Variants in CDH8 observed in about 807,000 individuals in gnomAD.
CDH8 encodes cadherin-8.
A neutral mutation model predicts 68.1 loss-of-function variants in CDH8; 17 were observed. The observed-to-expected ratio is 0.25, with a 90% CI of 0.17 to 0.37. The LOEUF (loss-of-function observed/expected upper bound fraction) is 0.37. CDH8 is among the 10% of genes least tolerant of loss of function. The pLI is 1.00. For missense variants in CDH8, 763 were observed against 999.3 expected (o/e 0.76, Z 3.19); for synonymous variants, 372 against 365.1 (o/e 1.02, Z -0.21).
intron 2 of CDH8, among the ~76,000 whole-genome samples, chr16:61,965,433 A>C (rs1965230502): frequency 6.6e-6 from 1 of 152,178 alleles, no homozygotes; most frequent in Non-Finnish European, 1.5e-5. Context: ...CAGTTATTTC[A>C]CACATGTTTA....
chr16:61,904,220 C>T (rs1016628447), intron 2 of CDH8, among the ~76,000 whole-genome samples: 1 of 152,180 alleles, frequency 6.6e-6, no homozygotes, highest in East Asian at 1.9e-4. Flanking sequence ...CAGAGAGCAA[C>T]GTCACCTGAG....
At chr16:61,872,236 C>G (rs2143058822) in intron 3 of CDH8, among the ~76,000 whole-genome samples, 1 of 152,284 alleles carries the variant, frequency 6.6e-6, no homozygotes, top group East Asian at 1.9e-4. Context: ...AGACAGGTCA[C>G]AATCAATTTA....
At chr16:61,688,576 A>C (rs1347141073) in intron 10 of CDH8, among the ~76,000 whole-genome samples, 3 of 151,870 alleles carry the variant, frequency 2.0e-5, no homozygotes, top group Non-Finnish European at 4.4e-5. Flanking sequence ...TGAGCTCTGA[A>C]GGTGTTAGTA....
chr16:61,888,080 CA>C (rs1404544617), intron 3 of CDH8, among the ~76,000 whole-genome samples: 2 of 152,168 alleles, frequency 1.3e-5, no homozygotes, highest in Non-Finnish European at 2.9e-5. Flanking sequence ...AGACATCAGG[CA>C]CTGGGCTCTT....
intron 4 of CDH8, among the ~76,000 whole-genome samples, chr16:61,836,866 G>A (rs778549791): frequency 4.6e-5 from 7 of 152,068 alleles, no homozygotes; most frequent in South Asian, 2.1e-4. Context: ...AGTACTGAGC[G>A]GAGTTACATG....
intron 2 of CDH8, among the ~76,000 whole-genome samples, chr16:61,921,363 C>A (rs887469913): frequency 1.3e-5 from 2 of 151,136 alleles, no homozygotes; most frequent in Non-Finnish European, 2.9e-5. Context: ...TTGAAAAAAA[C>A]AACTGAAAGC....
At chr16:61,763,504 C>T (rs1056679137) in intron 8 of CDH8, among the ~76,000 whole-genome samples, 3 of 152,160 alleles carry the variant, frequency 2.0e-5, no homozygotes, top group East Asian at 1.9e-4. Flanking sequence ...GCACACTAAC[C>T]GTAAAATAAT....
intron 3 of CDH8, among the ~76,000 whole-genome samples, chr16:61,900,612 A>G (rs374654787): frequency 2.0e-5 from 3 of 152,182 alleles, no homozygotes; most frequent in East Asian, 3.9e-4. Context: ...ACTCAGAAAA[A>G]TTGAGAGTGG....
chr16:61,927,523 T>A, intron 2 of CDH8, among the ~76,000 whole-genome samples: 1 of 152,234 alleles, frequency 6.6e-6, no homozygotes, highest in African/African-American at 2.4e-5. Flanking sequence ...TTTAGTTAGA[T>A]ATATGCCTCC....
intron 10 of CDH8, among the ~76,000 whole-genome samples, chr16:61,705,961 T>C (rs527556289): frequency 1.1e-4 from 16 of 152,228 alleles, no homozygotes; most frequent in African/African-American, 3.9e-4. Context: ...GTCTATTTAA[T>C]TCACTGCTTT....
intron 4 of CDH8, among the ~76,000 whole-genome samples, chr16:61,829,410 C>A (rs371598920): frequency 6.6e-6 from 1 of 151,828 alleles, no homozygotes; most frequent in Non-Finnish European, 1.5e-5. Context: ...CTGACAAGAT[C>A]CCAAAATACA....
intron 10 of CDH8, among the ~76,000 whole-genome samples, chr16:61,677,469 A>T (rs1407774205): frequency 6.6e-6 from 1 of 151,850 alleles, no homozygotes; most frequent in Non-Finnish European, 1.5e-5. Flanking sequence ...CTGCCATTCC[A>T]GGTCCTCTGG....
intron 1 of CDH8, among the ~76,000 whole-genome samples, chr16:62,025,882 ATAT>A (rs36055178): frequency 0.43 from 64,419 of 151,122 alleles, 13,883 homozygotes; most frequent in Middle Eastern, 0.55. Context: ...AAATAATATA[ATAT>A]TATTATTACT....
chr16:61,655,049 C>T (rs1003294222), intron 11 of CDH8, among the ~76,000 whole-genome samples: 13 of 152,122 alleles, frequency 8.5e-5, no homozygotes, highest in Non-Finnish European at 1.6e-4. Context: ...TTTTATATCA[C>T]CAAATTTGGG....
At chr16:61,808,716 G>A (rs1179058457) in intron 7 of CDH8, among the ~76,000 whole-genome samples, 4 of 152,174 alleles carry the variant, frequency 2.6e-5, no homozygotes, top group African/African-American at 9.6e-5. Flanking sequence ...AATGATATGG[G>A]AGCTGACTGT....
In CDH8 at chr16:61,648,168, A is replaced by T. The variant is rs1467253936; in HGVS notation, c.*5440T>A. 6 of 238,722 alleles carry T rather than the reference A, an allele frequency of 2.5e-5. No individual in the cohort carries two copies. The highest frequency in any genetic ancestry group is 4.8e-5 in the Non-Finnish European group (6 of 124,420). 14.8% of individuals were successfully genotyped at this position (238,722 alleles called of 1,614,324 possible). A position where few individuals can be genotyped will look rare whatever the true frequency, so the allele number is the denominator to read the frequency against. On this transcript the variant is annotated 3_prime_UTR_variant, in exon 12 of 12. Coordinates refer to ENST00000577390, the MANE Select transcript of CDH8 (RefSeq NM_001796.5). Reference sequence around the variant, plus strand: ...CATGTAATTTCTGTTTCTCTCACATATTTGATGTGTAATTTAACCCTGAAA... The same window carrying T: ...CATGTAATTTCTGTTTCTCTCACATTTTTGATGTGTAATTTAACCCTGAAA...
chr16:61,683,221 T>G (rs1964044838), intron 10 of CDH8, among the ~76,000 whole-genome samples: 1 of 151,966 alleles, frequency 6.6e-6, no homozygotes, highest in Non-Finnish European at 1.5e-5. Flanking sequence ...ATTTTCAACC[T>G]CCTTGAGTAT....
intron 3 of CDH8, among the ~76,000 whole-genome samples, chr16:61,872,910 A>G (rs974205471): frequency 3.3e-5 from 5 of 152,336 alleles, no homozygotes; most frequent in Middle Eastern, 3.4e-3. Flanking sequence ...GGCTTTTAGG[A>G]TGATACAAAG....
At chr16:61,901,556 T>G in intron 2 of CDH8, 83 bp from the exon 3 acceptor site, 1 of 969,300 alleles carries the variant, frequency 1.0e-6, no homozygotes, top group Admixed American at 2.4e-5. Flanking sequence ...AATATTAAGT[T>G]GGTTCTTTTT....
Sources: allele counts gnomAD v4.1 joint callset (sites outside exome capture counted in the v4.1 genomes callset), GRCh38; gene constraint gnomAD v4.1.1; transcripts MANE v1.5; gene names NCBI Gene and HGNC (gene_info 2026-07-23, HGNC 2026-07-21).